The following PAK4 variants were observed in gnomAD, a reference collection of about 807,000 sequenced individuals.
PAK4 encodes p21 (RAC1) activated kinase 4, also known as serine/threonine-protein kinase PAK 4.
PAK4 carries 49 observed loss-of-function variants against 53.5 expected under a neutral mutation model. The ratio of observed to expected loss-of-function variants is 0.92; its 90% CI spans 0.73 to 1.16. The LOEUF (loss-of-function observed/expected upper bound fraction) is 1.16. Among genes scored for constraint, PAK4 ranks in the 50% most tolerant of loss-of-function variants. PAK4 has a pLI of 0.00. For synonymous variants in PAK4, 376 were observed against 375.6 expected (o/e 1.00, Z -0.01); for missense variants, 824 against 850.7 (o/e 0.97, Z 0.39).
chr19:39,156,148 G>A (rs926827613), intron 1 of PAK4, among the ~76,000 whole-genome samples: 1 of 152,156 alleles, frequency 6.6e-6, no homozygotes, highest in Non-Finnish European at 1.5e-5. Flanking sequence ...TCCTCCTCAT[G>A]GGTGAGGGGG....
In PAK4 at chr19:39,174,018, C is replaced by T. The variant is rs774204216; in HGVS notation, c.1098+8C>T. The T allele has an allele frequency of 1.4e-5, 22 of 1,551,558 alleles. No individual in the cohort carries two copies. The highest frequency in any genetic ancestry group is 9.4e-5 in the South Asian group (8 of 85,342). On this transcript the variant is annotated splice_region_variant and intron_variant, in intron 4 of 8. Coordinates refer to ENST00000358301, the Ensembl canonical transcript of PAK4. ...GAGCTGCTCTTCAACGAGGTGCGGG[C>T]GCTGCTGCCCTGCCGCCCTGCTGGT...
chr19:39,165,171 C>T (rs1019184542), intron 1 of PAK4, among the ~76,000 whole-genome samples: 1 of 113,570 alleles, frequency 8.8e-6, no homozygotes, highest in Admixed American at 8.8e-5. Context: ...CCAGGACCAG[C>T]CTTGAGAGGA....
chr19:39,172,044 G>A (rs144287051), intron 2 of PAK4, among the ~76,000 whole-genome samples: 3,381 of 152,338 alleles, frequency 0.022, 74 homozygotes, highest in African/African-American at 0.054. Context: ...AATGCAGGCA[G>A]GGCAGGGGCC....
chr19:39,174,907 A>G (rs1444884349), intron 4 of PAK4, 24 bp from the exon 6 acceptor site: 1 of 1,612,940 alleles, frequency 6.2e-7, no homozygotes, highest in Non-Finnish European at 8.5e-7. Context: ...GCCTCCCTCC[A>G]CCACTGACCC....
In PAK4 at chr19:39,173,657, C is replaced by T; in HGVS notation, c.745C>T (p.Pro249Ser). 1.3e-6 allele frequency: 2 copies of T among 1,585,742 alleles called. No individual in the cohort carries two copies. The highest frequency in any genetic ancestry group is 4.5e-5 in the East Asian group (2 of 44,196). ...CCAGTCCTCCTCCTCCTCCTCCCGG[C>T]CTCCCACCCGAGCCCGAGGTGCCCC... Residue 249 changes from proline (P) to serine (S), a missense_variant, in exon 4 of 9, where the codon CCT becomes TCT. Coordinates refer to ENST00000358301, the Ensembl canonical transcript of PAK4. This position sits in a 1 kb window ranked among gnomAD's most constrained non-coding sequence, Gnocchi z 6.9.
chr19:39,141,244 C>G (rs1165213630), intron 1 of PAK4, among the ~76,000 whole-genome samples: 1 of 152,158 alleles, frequency 6.6e-6, no homozygotes, highest in Non-Finnish European at 1.5e-5. Context: ...AAACGTCGTA[C>G]AGCCAGAAAT....
intron 1 of PAK4, among the ~76,000 whole-genome samples, chr19:39,141,799 C>G (rs1297969413): frequency 6.6e-6 from 1 of 152,022 alleles, no homozygotes; most frequent in Non-Finnish European, 1.5e-5. Flanking sequence ...CCACGCCTGG[C>G]TAAGTTTTGT....
In PAK4 at chr19:39,173,366, G is replaced by A. The variant is rs538174548; in HGVS notation, c.653G>A (p.Arg218Gln). The A allele has an allele frequency of 5.6e-5, 86 of 1,529,462 alleles. No individual in the cohort carries two copies. In the East Asian group the frequency reaches 5.9e-4, roughly 11 times the overall value. The allele number at this position is 1,529,462 out of a possible 1,614,324, so 94.7% of individuals were successfully genotyped here. ...AGGGCTGACACGGACCACCCATCCC[G>A]GGGTGCCCAGGTAACCCATCCCCCG... The change falls in exon 3 of 9, where the codon CGG (arginine) becomes CAG (glutamine). Residue 218 changes from arginine to glutamine, a missense_variant. This residue lies in a region of PAK4 where 478 missense variants were observed against 435.8 expected (regional missense o/e 1.10). Transcript: ENST00000358301. This position sits in a 1 kb window ranked among gnomAD's most constrained non-coding sequence, Gnocchi z 6.9.
chr19:39,132,368 G>A (rs143105863), intron 1 of PAK4, among the ~76,000 whole-genome samples: 1 of 152,138 alleles, frequency 6.6e-6, no homozygotes, highest in Non-Finnish European at 1.5e-5. Flanking sequence ...ATCACCCCCG[G>A]TTTCTTTTCT....
chr19:39,172,754 GAGGGGCT>G (rs2074506900), intron 2 of PAK4, among the ~76,000 whole-genome samples, 157 bp from the exon 4 acceptor site: 3 of 152,074 alleles, frequency 2.0e-5, no homozygotes. Flanking sequence ...CCAGGGAGGG[GAGGGGCT>G]GCACTGCCCA....
At position 39,161,226 on chromosome 19, in the gene PAK4, C is replaced by T. The variant is rs754991919; in HGVS notation, c.-22-8306C>T. Among the ~76,000 whole-genome samples, 2 of 152,228 alleles carry T rather than the reference C, an allele frequency of 1.3e-5. No homozygotes were observed. Among genetic ancestry groups the T allele is most frequent in the South Asian group, 4.1e-4 (2 of 4,834 alleles). On this transcript the variant is annotated intron_variant, in intron 1 of 8. Coordinates refer to ENST00000358301, the Ensembl canonical transcript of PAK4. The surrounding 1 kb of genome is among the most constrained non-coding windows in gnomAD (Gnocchi z 4.5). The stretch of plus-strand genomic sequence containing the variant: ...AATGCAGCCATCATGAACCAAAACG[C>T]GGTCCCTGTCCATATGAGTCACTGA...
rs113813881 is a variant in PAK4 at position 39,169,628 on chromosome 19, C to T, written c.75C>T (p.Phe25=). ...TCGAGCACCGCGTGCACACGGGCTTCGACCAGCACGAGCAGAAGTTCACGG... is the reference window on the plus strand; with the variant it reads ...TCGAGCACCGCGTGCACACGGGCTTTGACCAGCACGAGCAGAAGTTCACGG... Residue 25 remains phenylalanine, a synonymous_variant, in exon 2 of 9, where the codon TTC becomes TTT. Coordinates refer to ENST00000358301, the Ensembl canonical transcript of PAK4. 1.7e-4 allele frequency: 280 copies of T among 1,613,702 alleles called. No homozygotes were observed. The African/African-American group carries it at 2.9e-3, about 17-fold the overall frequency.
chr19:39,157,115 C>T (rs1269408841), intron 1 of PAK4, among the ~76,000 whole-genome samples: 1 of 152,124 alleles, frequency 6.6e-6, no homozygotes, highest in African/African-American at 2.4e-5. Flanking sequence ...GCAGAAGTTT[C>T]CGTGAGACTG....
chr19:39,141,915 C>T (rs191347257), intron 1 of PAK4, among the ~76,000 whole-genome samples: 57 of 152,362 alleles, frequency 3.7e-4, no homozygotes, highest in Middle Eastern at 3.4e-3. Context: ...GCGTGAGCCA[C>T]GGCGCCCGGC....
intron 1 of PAK4, among the ~76,000 whole-genome samples, chr19:39,149,316 G>A (rs1176640491): frequency 6.6e-6 from 1 of 152,198 alleles, no homozygotes; most frequent in Non-Finnish European, 1.5e-5. Context: ...GCCATAAAAA[G>A]GAATGGAATT....
chr19:39,155,574 C>T (rs2074165650), intron 1 of PAK4, among the ~76,000 whole-genome samples: 1 of 152,184 alleles, frequency 6.6e-6, no homozygotes. Flanking sequence ...ACAGTTACAC[C>T]TGCGAGCTCT....
At chr19:39,134,081 C>T (rs933431159) in intron 1 of PAK4, among the ~76,000 whole-genome samples, 1 of 152,244 alleles carries the variant, frequency 6.6e-6, no homozygotes, top group African/African-American at 2.4e-5. Flanking sequence ...CCCACAGGGG[C>T]CTCCATAGTT....
At position 39,169,065 on chromosome 19, in the gene PAK4, C is replaced by T. The variant is rs143323776; in HGVS notation, c.-22-467C>T. Among the ~76,000 whole-genome samples, 496 of 152,224 alleles carry T rather than the reference C, an allele frequency of 3.3e-3. 2 individuals are homozygous for T. The highest frequency in any genetic ancestry group is 0.011 in the African/African-American group (469 of 41,524). On this transcript the variant is annotated intron_variant, in intron 1 of 8. Coordinates refer to ENST00000358301, the Ensembl canonical transcript of PAK4. ...CAACAAACAGGATTTCCATGAGTTC[C>T]GGGCTGTGACTGTGATGTAGAGCGG...
intron 1 of PAK4, among the ~76,000 whole-genome samples, chr19:39,129,529 TC>T (rs2073660372): frequency 6.6e-6 from 1 of 152,170 alleles, no homozygotes; most frequent in Non-Finnish European, 1.5e-5. Context: ...CCCAGCAGGC[TC>T]CGGGGCTCCC....
Sources: gnomAD v4.1 joint callset for allele counts (sites outside exome capture counted in the v4.1 genomes callset) on GRCh38, gnomAD v4.1.1 for gene constraint, gnomAD v4.1.1 regional missense constraint, Gnocchi (gnomAD v3.1) non-coding constraint, MANE v1.5 for transcripts, NCBI Gene and HGNC (gene_info 2026-07-23, HGNC 2026-07-21) for gene names.